PIBF1: variants seen among roughly 807,000 people sequenced by gnomAD.
PIBF1 encodes progesterone-induced-blocking factor 1.
A neutral mutation model predicts 112.5 loss-of-function variants in PIBF1; 90 were observed. The ratio of observed to expected loss-of-function variants is 0.80; its 90% confidence interval spans 0.67 to 0.95. The LOEUF is 0.95. PIBF1 is among the 40% of genes least tolerant of loss of function. The pLI, the probability that PIBF1 is intolerant of heterozygous loss-of-function variation, is 0.00. For missense variants in PIBF1, 915 were observed against 852.3 expected (o/e 1.07, Z -0.92); for synonymous variants, 301 against 288.6 (o/e 1.04, Z -0.44).
At chr13:72,827,214 AT>A (rs1376254204) in intron 7 of PIBF1, 96 bp downstream of exon 7, 1 of 333,064 alleles carries the variant, frequency 3.0e-6, no homozygotes, top group Non-Finnish European at 5.3e-6. Flanking sequence ...TTTTTTTGTT[AT>A]GTAGTTCCTC....
chr13:72,864,002 A>G (rs956113666), intron 10 of PIBF1, among the ~76,000 whole-genome samples: 4 of 152,238 alleles, frequency 2.6e-5, no homozygotes, highest in African/African-American at 9.6e-5. Flanking sequence ...TGCTGAACAG[A>G]TAATTCAGTT....
intron 16 of PIBF1, among the ~76,000 whole-genome samples, chr13:72,991,875 C>T (rs748906031): frequency 7.2e-5 from 11 of 152,126 alleles, no homozygotes; most frequent in Non-Finnish European, 1.0e-4. Context: ...CCCGCCACCT[C>T]GCCTGGCTAA....
intron 14 of PIBF1, among the ~76,000 whole-genome samples, chr13:72,933,569 C>T (rs533204772): frequency 2.0e-5 from 3 of 152,148 alleles, no homozygotes. Flanking sequence ...AGCTGAGGCA[C>T]GAGAATCACT....
chr13:72,795,532 A>T lies in PIBF1; in HGVS notation c.527A>T (p.Gln176Leu). Residue 176 changes from glutamine to leucine, a missense_variant, in exon 4 of 18, where the codon CAG becomes CTG. Gln to Leu is a moderately radical substitution (Grantham distance 113, BLOSUM62 -2). Transcript: ENST00000326291. The part of the protein sequence containing the change: ...YIKLKAFPED[Q>L]LSIPEYVSVR... ...AAATTAAAAGCTTTTCCTGAAGATC[A>T]GCTTTCTATTCCTGAATATGTATCT... 1 of 1,584,118 alleles carries T rather than the reference A, an allele frequency of 6.3e-7. No individual in the cohort carries two copies. The highest frequency in any genetic ancestry group is 8.6e-7 in the Non-Finnish European group (1 of 1,160,924).
intron 10 of PIBF1, chr13:72,881,035 A>T (rs1022720980): frequency 6.6e-6 from 1 of 152,180 alleles, no homozygotes; most frequent in Non-Finnish European, 1.5e-5. Flanking sequence ...GAAAAGAAAT[A>T]AAGGGCAGTC....
intron 14 of PIBF1, among the ~76,000 whole-genome samples, chr13:72,957,211 A>C (rs1403142705): frequency 2.6e-5 from 4 of 152,150 alleles, no homozygotes; most frequent in Non-Finnish European, 5.9e-5. Context: ...ATACTTGCAC[A>C]CTCATATTCA....
chr13:72,946,660 A>G (rs562157907), intron 14 of PIBF1, among the ~76,000 whole-genome samples: 1 of 152,276 alleles, frequency 6.6e-6, no homozygotes, highest in South Asian at 2.1e-4. Context: ...GGGTAAATAC[A>G]CCCATTTCAA....
chr13:73,004,978 A>G (rs1223669825), intron 17 of PIBF1, among the ~76,000 whole-genome samples: 1 of 152,202 alleles, frequency 6.6e-6, no homozygotes, highest in East Asian at 1.9e-4. Context: ...TGAGATCAGG[A>G]GTTGGAGACC....
At chr13:73,002,710 G>T (rs1490012585) in intron 17 of PIBF1, among the ~76,000 whole-genome samples, 1 of 152,098 alleles carries the variant, frequency 6.6e-6, no homozygotes, top group Non-Finnish European at 1.5e-5. Context: ...GAGCTTGGGC[G>T]CAGTGGCTCA....
chr13:73,005,530 A>G (rs1435782087), intron 17 of PIBF1, among the ~76,000 whole-genome samples: 1 of 151,858 alleles, frequency 6.6e-6, no homozygotes, highest in African/African-American at 2.4e-5. Flanking sequence ...TAAATTTTTA[A>G]TTTAATTTAA....
At chr13:72,848,581 C>T (rs2037977852) in intron 9 of PIBF1, among the ~76,000 whole-genome samples, 1 of 152,148 alleles carries the variant, frequency 6.6e-6, no homozygotes, top group Non-Finnish European at 1.5e-5. Flanking sequence ...CGCGGTGGCT[C>T]ACGCCTGTAG....
At chr13:72,802,833 C>T (rs770189226) in intron 5 of PIBF1, among the ~76,000 whole-genome samples, 1 of 151,636 alleles carries the variant, frequency 6.6e-6, no homozygotes, top group Non-Finnish European at 1.5e-5. Flanking sequence ...AGAAGGAAGA[C>T]CACAGCTTGA....
At chr13:72,825,652 C>T (rs542431938) in intron 6 of PIBF1, among the ~76,000 whole-genome samples, 7 of 152,126 alleles carry the variant, frequency 4.6e-5, no homozygotes, top group African/African-American at 1.7e-4. Flanking sequence ...ACCGTTAAGA[C>T]ACCTGCATAT....
chr13:72,847,072 T>G (rs2037909355), intron 9 of PIBF1, among the ~76,000 whole-genome samples: 1 of 152,252 alleles, frequency 6.6e-6, no homozygotes, highest in South Asian at 2.1e-4. Context: ...TCTACCAGAT[T>G]CATTCTGTTT....
intron 5 of PIBF1, among the ~76,000 whole-genome samples, chr13:72,819,095 A>G (rs1406191511): frequency 6.6e-6 from 1 of 152,156 alleles, no homozygotes; most frequent in Non-Finnish European, 1.5e-5. Flanking sequence ...CTTAGTGTTT[A>G]TAATGGAAAG....
At chr13:72,894,972 G>C (rs1042347392) in intron 11 of PIBF1, among the ~76,000 whole-genome samples, 1 of 151,302 alleles carries the variant, frequency 6.6e-6, no homozygotes, top group Non-Finnish European at 1.5e-5. Flanking sequence ...CTAAAAAAAT[G>C]TAAAAGTTAG....
chr13:72,860,308 G>GGTGTGT (rs3219561), intron 10 of PIBF1, among the ~76,000 whole-genome samples: 60 of 143,244 alleles, frequency 4.2e-4, no homozygotes, highest in East Asian at 6.3e-4. Context: ...TTTTTTTAGG[G>GGTGTGT]GTGTGTGTGT....
chr13:72,943,725 G>A (rs1401559369), intron 14 of PIBF1, among the ~76,000 whole-genome samples: 2 of 152,212 alleles, frequency 1.3e-5, no homozygotes, highest in Admixed American at 1.3e-4. Context: ...AGTCTCCTTT[G>A]TTGACTTCTT....
chr13:72,960,902 A>G (rs188346819), intron 14 of PIBF1, among the ~76,000 whole-genome samples: 22 of 148,620 alleles, frequency 1.5e-4, no homozygotes, highest in African/African-American at 4.7e-4. Flanking sequence ...CAAAGCAAAG[A>G]AAAAAAACAT....
Sources: allele counts gnomAD v4.1 joint callset (sites outside exome capture counted in the v4.1 genomes callset), GRCh38; gene constraint gnomAD v4.1.1; transcripts MANE v1.5; gene names NCBI Gene and HGNC (gene_info 2026-07-23, HGNC 2026-07-21).